Variants in FAM163A observed in about 807,000 individuals in gnomAD.
FAM163A encodes family with sequence similarity 163 member A.
In FAM163A, 7 loss-of-function variants were observed where a neutral mutation model predicts 12.0. That is an observed-to-expected ratio of 0.58 (90% CI 0.33 to 1.10). The LOEUF (loss-of-function observed/expected upper bound fraction) is 1.10, where lower values mean the gene tolerates loss of function less well. Ranked by LOEUF, FAM163A falls within the 50% of genes least tolerant of loss-of-function variation. FAM163A has a pLI of 0.03. For synonymous variants in FAM163A, 101 were observed against 91.0 expected (o/e 1.11, Z -0.62); for missense variants, 202 against 218.6 (o/e 0.92, Z 0.48).
intron 1 of FAM163A, among the ~76,000 whole-genome samples, chr1:179,794,857 G>C (rs1361919436): frequency 1.3e-5 from 2 of 152,106 alleles, no homozygotes; most frequent in African/African-American, 4.8e-5. Context: ...ACAGTGCAAG[G>C]GAGGAAGGGC....
rs373695894 is a variant in FAM163A at position 179,814,172 on chromosome 1, A to G, written c.487A>G (p.Ile163Val). ...TGAGGCCTTCACCAATCCAAGGGCT[A>G]TTAGTACAGACGTGTAAATCCTTCC... is the stretch of plus-strand genomic sequence containing the variant. ...GREAFTNPRA[I>V]STDV Residue 163 changes from isoleucine to valine, a missense_variant, in exon 5 of 5, where the codon ATT becomes GTT. Ile to Val is a conservative substitution (Grantham distance 29, BLOSUM62 3). Transcript: ENST00000341785. 14 of 1,613,602 alleles carry G rather than the reference A, an allele frequency of 8.7e-6. No homozygotes were observed. In the African/African-American group the frequency reaches 1.3e-4, roughly 15 times the overall value.
chr1:179,783,326 T>C (rs748805584), intron 1 of FAM163A, among the ~76,000 whole-genome samples: 4 of 152,080 alleles, frequency 2.6e-5, no homozygotes, highest in Non-Finnish European at 5.9e-5. Flanking sequence ...ATTTATTGGG[T>C]TTAATGACCC....
chr1:179,796,719 A>G (rs962215458), intron 1 of FAM163A, among the ~76,000 whole-genome samples: 9 of 152,182 alleles, frequency 5.9e-5, no homozygotes, highest in African/African-American at 2.2e-4. Flanking sequence ...CTTTTACCCC[A>G]AGTCTGCACA....
chr1:179,790,625 T>C (rs1316045534), intron 1 of FAM163A, among the ~76,000 whole-genome samples: 1 of 152,142 alleles, frequency 6.6e-6, no homozygotes, highest in Non-Finnish European at 1.5e-5. Flanking sequence ...TCTGGATGGA[T>C]GGCAGTCAGC....
At chr1:179,761,288 A>G (rs11590437) in intron 1 of FAM163A, among the ~76,000 whole-genome samples, 13,772 of 152,268 alleles carry the variant, frequency 0.09, 1,088 homozygotes, top group African/African-American at 0.21. Context: ...TTTCTAATAC[A>G]CAAGTATTAC....
chr1:179,789,138 C>G (rs1232017420), intron 1 of FAM163A, among the ~76,000 whole-genome samples: 1 of 152,204 alleles, frequency 6.6e-6, no homozygotes, highest in Non-Finnish European at 1.5e-5. Context: ...GTTATTTAAT[C>G]TCAAAATCTT....
At chr1:179,767,101 G>A (rs775983748) in intron 1 of FAM163A, among the ~76,000 whole-genome samples, 51 of 152,104 alleles carry the variant, frequency 3.4e-4, no homozygotes, top group Non-Finnish European at 6.3e-4. Flanking sequence ...CCCTGCCATC[G>A]TTCTCCCAGT....
chr1:179,759,959 G>A (rs767235598), intron 1 of FAM163A, among the ~76,000 whole-genome samples: 9 of 152,114 alleles, frequency 5.9e-5, no homozygotes, highest in Admixed American at 6.5e-5. Flanking sequence ...GAGCCACCAC[G>A]CCCCGCCTGA....
intron 1 of FAM163A, among the ~76,000 whole-genome samples, chr1:179,786,186 CCTA>C (rs1690595717): frequency 6.6e-6 from 1 of 152,176 alleles, no homozygotes; most frequent in Non-Finnish European, 1.5e-5. Context: ...CCACTTAGTA[CCTA>C]CTAACACATC....
At chr1:179,748,528 G>A (rs1359759139) in intron 1 of FAM163A, among the ~76,000 whole-genome samples, 1 of 152,228 alleles carries the variant, frequency 6.6e-6, no homozygotes, top group African/African-American at 2.4e-5. Context: ...ACAGAAGGAT[G>A]AGCAAGGCAT....
chr1:179,736,330 C>CAA, the FAM163A span, among the ~76,000 whole-genome samples: 63 of 146,756 alleles, frequency 4.3e-4, 1 homozygote, highest in African/African-American at 1.5e-3. Context: ...AACTCAGTGA[C>CAA]AAAAAAAAAA....
At chr1:179,785,456 G>A (rs145141444) in intron 1 of FAM163A, among the ~76,000 whole-genome samples, 13 of 152,266 alleles carry the variant, frequency 8.5e-5, no homozygotes, top group African/African-American at 2.9e-4. Context: ...TCGTTCTGTA[G>A]CCTGCTCTCT....
intron 1 of FAM163A, among the ~76,000 whole-genome samples, chr1:179,766,325 C>G (rs1271850902): frequency 1.3e-5 from 2 of 152,172 alleles, no homozygotes; most frequent in Non-Finnish European, 2.9e-5. Context: ...CATGAGACCC[C>G]CCATTCCAGA....
chr1:179,793,646 C>T (rs990577387), intron 1 of FAM163A, among the ~76,000 whole-genome samples: 2 of 152,138 alleles, frequency 1.3e-5, no homozygotes, highest in African/African-American at 4.8e-5. Flanking sequence ...GTCATAGCTC[C>T]CTTTGGTTCA....
At chr1:179,790,252 G>C (rs1228320075) in intron 1 of FAM163A, among the ~76,000 whole-genome samples, 1 of 104,422 alleles carries the variant, frequency 9.6e-6, no homozygotes, top group Non-Finnish European at 1.8e-5. Context: ...TTGAGCTGCT[G>C]TTATGGGCTT....
intron 1 of FAM163A, among the ~76,000 whole-genome samples, chr1:179,796,646 C>T (rs1407161560): frequency 1.3e-5 from 2 of 152,160 alleles, no homozygotes; most frequent in African/African-American, 4.8e-5. Context: ...TAAGTACATC[C>T]AGGTTGGCTA....
chr1:179,765,396 C>T (rs1390227354), intron 1 of FAM163A, among the ~76,000 whole-genome samples: 2 of 152,232 alleles, frequency 1.3e-5, no homozygotes, highest in Non-Finnish European at 2.9e-5. Flanking sequence ...TGGGACCACT[C>T]CATGGGCCAC....
intron 1 of FAM163A, among the ~76,000 whole-genome samples, chr1:179,766,423 C>T (rs564741870): frequency 6.6e-6 from 1 of 152,320 alleles, no homozygotes; most frequent in Non-Finnish European, 1.5e-5. Context: ...TGGGTTTCCC[C>T]ACTCAGTCTA....
chr1:179,754,135 T>C (rs1685681089), intron 1 of FAM163A, among the ~76,000 whole-genome samples: 1 of 152,148 alleles, frequency 6.6e-6, no homozygotes, highest in Admixed American at 6.5e-5. Context: ...AGTCTCTTTT[T>C]TTTTCTAAGC....
Sources: allele counts gnomAD v4.1 joint callset (sites outside exome capture counted in the v4.1 genomes callset), GRCh38; gene constraint gnomAD v4.1.1; transcripts MANE v1.5; gene names NCBI Gene and HGNC (gene_info 2026-07-23, HGNC 2026-07-21).